CFAP95: variants seen among roughly 807,000 people sequenced by gnomAD.
CFAP95 encodes the protein cilia and flagella associated protein 95.
chr9:69,897,300 G>T, the CFAP95 span, among the ~76,000 whole-genome samples: 34,056 of 152,094 alleles, frequency 0.22, 4,474 homozygotes, highest in Non-Finnish European at 0.28. Context: ...GGGAAGAATG[G>T]TTTTTGCTGT....
At chr9:69,834,419 C>T in the CFAP95 span, among the ~76,000 whole-genome samples, 4 of 152,128 alleles carry the variant, frequency 2.6e-5, no homozygotes, top group African/African-American at 9.7e-5. Flanking sequence ...TACTTAGCAT[C>T]TTATTTCCCT....
the CFAP95 span, among the ~76,000 whole-genome samples, chr9:69,846,218 C>T: frequency 6.6e-6 from 1 of 152,246 alleles, no homozygotes; most frequent in East Asian, 1.9e-4. Context: ...TCCTATACCT[C>T]ATATCGTGGG....
chr9:69,829,012 C>T, the CFAP95 span, among the ~76,000 whole-genome samples: 4 of 152,154 alleles, frequency 2.6e-5, no homozygotes, highest in African/African-American at 7.2e-5. Flanking sequence ...TTATTATGAG[C>T]CTTTTAAAAA....
chr9:69,844,822 A>G, the CFAP95 span, among the ~76,000 whole-genome samples: 15 of 152,234 alleles, frequency 9.9e-5, no homozygotes, highest in Non-Finnish European at 1.6e-4. Context: ...GGCGAATTAC[A>G]TGAGATGAAG....
the CFAP95 span, among the ~76,000 whole-genome samples, chr9:69,865,495 T>C: frequency 6.6e-6 from 1 of 152,160 alleles, no homozygotes; most frequent in Non-Finnish European, 1.5e-5. Context: ...TCTCACCTAT[T>C]CAGTGTAATT....
chr9:69,840,704 C>T, the CFAP95 span, among the ~76,000 whole-genome samples: 1 of 152,124 alleles, frequency 6.6e-6, no homozygotes, highest in Non-Finnish European at 1.5e-5. Flanking sequence ...TACTATATTT[C>T]ATACAGTATA....
the CFAP95 span, among the ~76,000 whole-genome samples, chr9:69,875,871 T>G: frequency 1.3e-5 from 2 of 152,182 alleles, no homozygotes; most frequent in Non-Finnish European, 2.9e-5. Flanking sequence ...AATATATCCA[T>G]TTTCTTGCAG....
chr9:69,832,620 A>ATTTTTTTTTTTTTTTT, the CFAP95 span, among the ~76,000 whole-genome samples: 4 of 11,350 alleles, frequency 3.5e-4, 1 homozygote, highest in Non-Finnish European at 1.3e-4. Flanking sequence ...GTCTATTCGG[A>ATTTTTTTTTTTTTTTT]TTTTTTTTTT....
chr9:69,883,928 A>G, the CFAP95 span, among the ~76,000 whole-genome samples: 1 of 151,324 alleles, frequency 6.6e-6, no homozygotes, highest in Non-Finnish European at 1.5e-5. Flanking sequence ...CTAATTTTGG[A>G]TTCAGTTTGC....
At chr9:69,886,825 T>C in the CFAP95 span, 1 of 1,608,358 alleles carries the variant, frequency 6.2e-7, no homozygotes, top group Non-Finnish European at 8.5e-7. Flanking sequence ...CCTCATTGAC[T>C]TATCCCTCTT....
chr9:69,895,287 AGTTACTTGCTGGCCT>A, the CFAP95 span, among the ~76,000 whole-genome samples: 4 of 150,928 alleles, frequency 2.7e-5, no homozygotes, highest in African/African-American at 7.3e-5. Flanking sequence ...ATCCTTCCTG[AGTTACTTGCTGGCCT>A]CCACAATCAT....
At chr9:69,879,967 T>C in the CFAP95 span, among the ~76,000 whole-genome samples, 1 of 152,166 alleles carries the variant, frequency 6.6e-6, no homozygotes, top group African/African-American at 2.4e-5. Context: ...TTATATATTT[T>C]TGTTTGTTTT....
At chr9:69,865,300 C>A in the CFAP95 span, among the ~76,000 whole-genome samples, 1 of 152,130 alleles carries the variant, frequency 6.6e-6, no homozygotes, top group Non-Finnish European at 1.5e-5. Flanking sequence ...TTCTTTATAG[C>A]ACTGTGAGAA....
the CFAP95 span, among the ~76,000 whole-genome samples, chr9:69,859,369 G>T: frequency 1.3e-5 from 2 of 151,584 alleles, no homozygotes; most frequent in Admixed American, 1.3e-4. Flanking sequence ...CATGACTTCA[G>T]TATCTTCTCT....
At chr9:69,864,503 A>G in the CFAP95 span, among the ~76,000 whole-genome samples, 3 of 152,194 alleles carry the variant, frequency 2.0e-5, no homozygotes, top group African/African-American at 7.2e-5. Context: ...GAGGGGATTG[A>G]ACCAAATGAT....
At chr9:69,822,199 A>G in the CFAP95 span, among the ~76,000 whole-genome samples, 7 of 152,320 alleles carry the variant, frequency 4.6e-5, no homozygotes, top group South Asian at 1.5e-3. Context: ...AAAAGAAATG[A>G]AAAGAAGTCA....
chr9:69,843,915 C>T, the CFAP95 span, among the ~76,000 whole-genome samples: 752 of 151,882 alleles, frequency 5.0e-3, 5 homozygotes, highest in African/African-American at 0.017. Context: ...AGATTACAGG[C>T]GTGTGTTACT....
the CFAP95 span, among the ~76,000 whole-genome samples, chr9:69,883,089 T>C: frequency 6.6e-6 from 1 of 152,190 alleles, no homozygotes; most frequent in Non-Finnish European, 1.5e-5. Context: ...TTTTCTTTAC[T>C]GGGAGATTTT....
the CFAP95 span, among the ~76,000 whole-genome samples, chr9:69,861,700 C>T: frequency 7.5e-6 from 1 of 133,400 alleles, no homozygotes; most frequent in African/African-American, 2.9e-5. Context: ...TTCTCTTGTC[C>T]TTTCTCCTGT....
Sources: gnomAD v4.1 joint callset for allele counts (sites outside exome capture counted in the v4.1 genomes callset) on GRCh38, gnomAD v4.1.1 for gene constraint, MANE v1.5 for transcripts, NCBI Gene and HGNC (gene_info 2026-07-23, HGNC 2026-07-21) for gene names.